SYT1: variants seen among roughly 807,000 people sequenced by gnomAD.
SYT1 encodes synaptotagmin 1, also known as synaptotagmin-1.
In SYT1, 8 loss-of-function variants were observed where a neutral mutation model predicts 44.8. That is an observed-to-expected ratio of 0.18 (90% CI 0.10 to 0.32). The LOEUF is 0.32. Ranked by LOEUF, SYT1 falls within the 10% of genes least tolerant of loss-of-function variation. The pLI, the probability that SYT1 is intolerant of heterozygous loss-of-function variation, is 1.00. For missense variants in SYT1, 286 were observed against 509.3 expected (o/e 0.56, Z 4.22); for synonymous variants, 154 against 188.8 (o/e 0.82, Z 1.51).
chr12:79,205,823 C>G (rs1874087398), intron 3 of SYT1, among the ~76,000 whole-genome samples: 1 of 152,142 alleles, frequency 6.6e-6, no homozygotes. Context: ...ATGTTGACTA[C>G]AATTGCTAAA....
intron 2 of SYT1, among the ~76,000 whole-genome samples, chr12:78,986,097 C>T (rs1001140725): frequency 1.3e-5 from 2 of 152,006 alleles, no homozygotes; most frequent in Non-Finnish European, 2.9e-5. Context: ...TATTTCCCCA[C>T]CAGTTTCTTC....
chr12:79,285,274 T>C (rs948287951), intron 4 of SYT1, among the ~76,000 whole-genome samples: 3 of 152,252 alleles, frequency 2.0e-5, no homozygotes, highest in Non-Finnish European at 4.4e-5. Context: ...ATTTTATAGA[T>C]GAGTAATAGC....
At chr12:78,969,596 G>A (rs1448252515) in intron 1 of SYT1, among the ~76,000 whole-genome samples, 1 of 152,156 alleles carries the variant, frequency 6.6e-6, no homozygotes, top group Non-Finnish European at 1.5e-5. Flanking sequence ...CTTGGGATTG[G>A]AAGGAGTAGC....
chr12:79,261,060 T>C lies in SYT1; in HGVS notation c.167-24727T>C, dbSNP rs116658884. Among the ~76,000 whole-genome samples the C allele has an allele frequency of 1.0e-3, 158 of 152,312 alleles. 2 individuals are homozygous for C. The highest frequency in any genetic ancestry group is 3.6e-3 in the African/African-American group (149 of 41,564). ...AGTCCCTAAATCCAAGCCACTGTCATTGTTCTTGGGGGTTGTAAAGGCCAT... is the reference window on the plus strand; with the variant it reads ...AGTCCCTAAATCCAAGCCACTGTCACTGTTCTTGGGGGTTGTAAAGGCCAT... On this transcript the variant is annotated intron_variant, in intron 4 of 10. Coordinates refer to ENST00000261205, the MANE Select transcript of SYT1 (RefSeq NM_005639.3).
chr12:79,037,776 ACATTT>A (rs1297545188), intron 2 of SYT1, among the ~76,000 whole-genome samples: 2 of 151,792 alleles, frequency 1.3e-5, no homozygotes, highest in East Asian at 3.9e-4. Context: ...TAACCATAGA[ACATTT>A]CTTTGTTTAC....
chr12:79,149,554 CA>C (rs550382083), intron 3 of SYT1, among the ~76,000 whole-genome samples: 223 of 152,142 alleles, frequency 1.5e-3, no homozygotes, highest in African/African-American at 5.1e-3. Flanking sequence ...GTCATTGTAA[CA>C]TATAACATAT....
At chr12:79,112,977 C>T (rs755896600) in intron 3 of SYT1, among the ~76,000 whole-genome samples, 19 of 152,182 alleles carry the variant, frequency 1.2e-4, no homozygotes, top group South Asian at 4.1e-4. Flanking sequence ...TCTTTAGACT[C>T]ATACACAAAC....
At position 79,155,834 on chromosome 12, in the gene SYT1, A is replaced by G. The variant is rs138651406; in HGVS notation, c.-17-61669A>G. Among the ~76,000 whole-genome samples, 108 of 152,288 alleles carry G rather than the reference A, an allele frequency of 7.1e-4. 1 individual carries two copies. The highest frequency in any genetic ancestry group is 3.4e-3 in the Middle Eastern group (1 of 294). ...TGTTGCCTTCCGGCCTCTCTTGTGT[A>G]TTTCCTCTTCACAGAGTAGAACTTG... is the stretch of plus-strand genomic sequence containing the variant. On this transcript the variant is annotated intron_variant, in intron 3 of 10. Transcript: ENST00000261205.
intron 9 of SYT1, among the ~76,000 whole-genome samples, chr12:79,434,029 A>G (rs1429788036): frequency 6.6e-6 from 1 of 152,230 alleles, no homozygotes; most frequent in Non-Finnish European, 1.5e-5. Context: ...AATGTTGGAA[A>G]TGACTGTTGG....
At chr12:78,993,580 G>T (rs889154688) in intron 2 of SYT1, among the ~76,000 whole-genome samples, 3 of 152,036 alleles carry the variant, frequency 2.0e-5, no homozygotes, top group African/African-American at 7.2e-5. Flanking sequence ...CTTTCTTCTG[G>T]AAAGAAAACC....
Position 79,417,017 on chromosome 12 carries a change from G to T in SYT1, c.929-27056G>T, listed in dbSNP as rs913962518. ...CAAGATTCCTATAATATCTAACAATGATATATTTGTAACTTACTCTGAATT... is the reference window on the plus strand; with the variant it reads ...CAAGATTCCTATAATATCTAACAATTATATATTTGTAACTTACTCTGAATT... On this transcript the variant is annotated intron_variant, in intron 9 of 10. Coordinates refer to ENST00000261205, the MANE Select transcript of SYT1 (RefSeq NM_005639.3). Among the ~76,000 whole-genome samples the T allele has an allele frequency of 1.9e-4, 29 of 152,138 alleles. 1 individual carries two copies. The highest frequency in any genetic ancestry group is 6.8e-3 in the Middle Eastern group (2 of 294).
chr12:79,090,113 C>T (rs944404585), intron 3 of SYT1, among the ~76,000 whole-genome samples: 2 of 151,996 alleles, frequency 1.3e-5, no homozygotes, highest in Non-Finnish European at 2.9e-5. Flanking sequence ...ATTTACTATA[C>T]CTCCTGCTTG....
chr12:78,894,330 GTTTTTTTTTTTTT>G (rs566175647), intron 1 of SYT1, among the ~76,000 whole-genome samples: 24 of 27,730 alleles, frequency 8.7e-4, no homozygotes, highest in East Asian at 3.5e-3. Flanking sequence ...TTTTTAATCT[GTTTTTTTTTTTTT>G]TTTTTTTTTT....
intron 3 of SYT1, among the ~76,000 whole-genome samples, chr12:79,076,711 C>T (rs1876679669): frequency 6.6e-6 from 1 of 152,058 alleles, no homozygotes; most frequent in Non-Finnish European, 1.5e-5. Flanking sequence ...GAGGCCGAGG[C>T]AGGCAGGGAT....
intron 1 of SYT1, among the ~76,000 whole-genome samples, chr12:78,893,503 TA>T (rs1875166870): frequency 1.3e-5 from 2 of 151,620 alleles, no homozygotes; most frequent in South Asian, 2.1e-4. Context: ...CACTGAATAC[TA>T]AAAAAATAAA....
intron 2 of SYT1, among the ~76,000 whole-genome samples, chr12:78,985,713 T>G (rs1185869214): frequency 6.6e-6 from 1 of 151,934 alleles, no homozygotes; most frequent in Admixed American, 6.6e-5. Context: ...GTAAGGAAAT[T>G]CTGTTTCATA....
intron 9 of SYT1, among the ~76,000 whole-genome samples, chr12:79,412,399 C>A (rs2136136971): frequency 6.6e-6 from 1 of 152,270 alleles, no homozygotes; most frequent in East Asian, 1.9e-4. Context: ...GCCCATTCGC[C>A]CAACTCCTGA....
At chr12:79,193,270 T>G (rs1873240058) in intron 3 of SYT1, among the ~76,000 whole-genome samples, 1 of 152,172 alleles carries the variant, frequency 6.6e-6, no homozygotes, top group South Asian at 2.1e-4. Context: ...ATAAATATAA[T>G]GCTAGGCAAT....
chr12:78,975,236 G>A (rs2137412189), intron 1 of SYT1, among the ~76,000 whole-genome samples: 1 of 151,836 alleles, frequency 6.6e-6, no homozygotes, highest in Middle Eastern at 3.4e-3. Context: ...CCTATCCTTT[G>A]GGAACTTACT....
Sources: allele counts gnomAD v4.1 joint callset (sites outside exome capture counted in the v4.1 genomes callset), GRCh38; gene constraint gnomAD v4.1.1; transcripts MANE v1.5; gene names NCBI Gene and HGNC (gene_info 2026-07-23, HGNC 2026-07-21).